The following MCMBP variants were observed in gnomAD, a reference collection of about 807,000 sequenced individuals.
MCMBP encodes mini-chromosome maintenance complex-binding protein.
Under a neutral mutation model 81.3 loss-of-function variants are expected in MCMBP, and 31 were observed. The ratio of observed to expected loss-of-function variants is 0.38; its 90% CI spans 0.29 to 0.51. The LOEUF (loss-of-function observed/expected upper bound fraction) is 0.51. Ranked by LOEUF, MCMBP falls within the 20% of genes least tolerant of loss-of-function variation. The probability of loss-of-function intolerance (pLI) is 0.87; values close to 1 mark genes in which losing one functional copy is unlikely to be tolerated. For synonymous variants in MCMBP, 267 were observed against 275.9 expected (o/e 0.97, Z 0.32); for missense variants, 645 against 772.1 (o/e 0.84, Z 1.95).
intron 8 of MCMBP, among the ~76,000 whole-genome samples, chr10:119,843,747 T>G (rs190539324): frequency 1.0e-3 from 154 of 152,280 alleles, no homozygotes; most frequent in Middle Eastern, 3.4e-3. Context: ...TTGCAACCTC[T>G]GCCTCCTGGG....
chr10:119,872,296 C>T (rs983922639), intron 1 of MCMBP, among the ~76,000 whole-genome samples: 6 of 151,992 alleles, frequency 3.9e-5, no homozygotes, highest in African/African-American at 1.4e-4. Context: ...TGGCGGCTCC[C>T]AAGCTGCGAC....
Position 119,857,097 on chromosome 10 carries a change from CAAA to C in MCMBP, c.429+238_429+240del, listed in dbSNP as rs34331152. On this transcript the variant is annotated intron_variant, in intron 5 of 15. Transcript: ENST00000369077. ...CCTGGGTGACAGTGAGTCCCTATCT[CAAA>C]AAAAAAAAAAAAAAAAAAAAATTAC... is the stretch of plus-strand genomic sequence containing the variant. 4.1e-3 allele frequency among the ~76,000 whole-genome samples: 338 copies of C among 82,446 alleles called. 11 individuals carry two copies. In the South Asian group the frequency reaches 0.088, roughly 21 times the overall value. The allele number at this position is 82,446 out of a possible 152,430, so 54.1% of individuals were successfully genotyped here. A position where few individuals can be genotyped will look rare whatever the true frequency, so the allele number is the denominator to read the frequency against.
chr10:119,863,014 T>C (rs1047698220), intron 1 of MCMBP, among the ~76,000 whole-genome samples: 1 of 152,244 alleles, frequency 6.6e-6, no homozygotes, highest in African/African-American at 2.4e-5. Flanking sequence ...AGTTTTTAAA[T>C]TACTGCTGTG....
At chr10:119,848,714 C>CTCATTTA (rs1278844165) in intron 7 of MCMBP, among the ~76,000 whole-genome samples, 1 of 152,142 alleles carries the variant, frequency 6.6e-6, no homozygotes, top group African/African-American at 2.4e-5. Flanking sequence ...CTATCACTTG[C>CTCATTTA]TCATTTATCA....
At chr10:119,867,279 C>T (rs1350333591) in intron 1 of MCMBP, among the ~76,000 whole-genome samples, 4 of 102,952 alleles carry the variant, frequency 3.9e-5, no homozygotes, top group East Asian at 3.2e-4. Flanking sequence ...GGCGACAGAG[C>T]GAGACTCCAT....
chr10:119,837,386 G>A (rs1025822428), intron 12 of MCMBP, among the ~76,000 whole-genome samples: 2 of 152,106 alleles, frequency 1.3e-5, no homozygotes, highest in Non-Finnish European at 2.9e-5. Context: ...GAATTTTACA[G>A]ATTTTATATT....
intron 12 of MCMBP, 37 bp downstream of exon 12, chr10:119,838,498 G>C: frequency 6.3e-7 from 1 of 1,584,558 alleles, no homozygotes. Flanking sequence ...TAGTGCGAAG[G>C]AAGTCAGAAA....
Position 119,872,548 on chromosome 10 carries a change from C to G in MCMBP, c.37G>C (p.Gly13Arg). Residue 13 changes from glycine (G) to arginine (R), a missense_variant, in exon 1 of 16, where the codon GGA (glycine) becomes CGA (arginine). Physicochemically the swap from Gly to Arg is moderately radical, Grantham distance 125. Transcript: ENST00000369077. Reference sequence around the variant, plus strand: ...TCACCGAAGAATCCCTGCACGATTCCCAGCGGGTGGCTGAGCCAATCCTCC... The same window carrying G: ...TCACCGAAGAATCCCTGCACGATTCGCAGCGGGTGGCTGAGCCAATCCTCC... ...CGEDWLSHPL[G>R]IVQGFFAQNG... is the part of the protein sequence containing the mutation. The G allele has an allele frequency of 8.4e-7, 1 of 1,190,910 alleles. No homozygotes were observed. The highest frequency in any genetic ancestry group is 3.9e-5 in the East Asian group (1 of 25,616). The allele number at this position is 1,190,910 out of a possible 1,614,324, so 73.8% of individuals were successfully genotyped here.
intron 12 of MCMBP, among the ~76,000 whole-genome samples, chr10:119,838,217 TATATA>T (rs1420753341): frequency 1.3e-5 from 2 of 148,312 alleles, no homozygotes; most frequent in Non-Finnish European, 3.0e-5. Flanking sequence ...ATTGCTCCAT[TATATA>T]ATATATAAAA....
At chr10:119,843,121 G>A in intron 9 of MCMBP, 133 bp downstream of exon 9, 1 of 983,090 alleles carries the variant, frequency 1.0e-6, no homozygotes, top group Non-Finnish European at 1.6e-6. Flanking sequence ...CAACGAGAGA[G>A]AGATTACTGA....
intron 5 of MCMBP, among the ~76,000 whole-genome samples, chr10:119,854,049 T>C (rs1400645890): frequency 1.3e-5 from 2 of 150,992 alleles, no homozygotes; most frequent in Non-Finnish European, 3.0e-5. Context: ...CCTTTTCTTT[T>C]TTTTTTTTTT....
chr10:119,871,616 C>T (rs749344172), intron 1 of MCMBP, among the ~76,000 whole-genome samples: 3 of 152,120 alleles, frequency 2.0e-5, no homozygotes, highest in Non-Finnish European at 4.4e-5. Context: ...ACTGCCTTTT[C>T]TCTCTAGTAC....
chr10:119,834,597 A>G lies in MCMBP; in HGVS notation c.1707+943T>C, dbSNP rs111761998. Among the ~76,000 whole-genome samples, 206 of 152,210 alleles carry G rather than the reference A, an allele frequency of 1.4e-3. 1 individual carries two copies. Among genetic ancestry groups the G allele is most frequent in the African/African-American group, 4.6e-3 (192 of 41,528 alleles). Reference sequence around the variant, plus strand: ...TTCGGGAGGCTAAGGAGAGAGGATCACTTGAACCCAGGAGTTCGAGACTAG... The same window carrying G: ...TTCGGGAGGCTAAGGAGAGAGGATCGCTTGAACCCAGGAGTTCGAGACTAG... On this transcript the variant is annotated intron_variant, in intron 14 of 15. Coordinates refer to ENST00000369077, the MANE Select transcript of MCMBP (RefSeq NM_001256378.2).
Position 119,831,542 on chromosome 10 carries a change from T to C in MCMBP, c.1855A>G (p.Lys619Glu), listed in dbSNP as rs1486590199. The C allele has an allele frequency of 6.2e-7, 1 of 1,613,970 alleles. No individual in the cohort carries two copies. Among genetic ancestry groups the C allele is most frequent in the Non-Finnish European group, 8.5e-7 (1 of 1,179,954 alleles). The stretch of plus-strand genomic sequence containing the variant: ...GTTCTTCTTAAAGACTCTAGCTGCT[T>C]TGCTCTCAGCCATCGTTCTCTTGAC... ...TLSRERWLRA[K>E]QLESLRRTRL... Residue 619 changes from lysine (K) to glutamate (E), a missense_variant, in exon 16 of 16, where the codon AAG becomes GAG. Coordinates refer to ENST00000369077, the MANE Select transcript of MCMBP (RefSeq NM_001256378.2).
chr10:119,837,803 T>G (rs1470019344), intron 12 of MCMBP, among the ~76,000 whole-genome samples: 1 of 152,022 alleles, frequency 6.6e-6, no homozygotes, highest in Non-Finnish European at 1.5e-5. Context: ...AAAAATTATA[T>G]TAGATCTTTT....
intron 8 of MCMBP, among the ~76,000 whole-genome samples, chr10:119,845,472 A>T (rs1258046171): frequency 3.3e-5 from 5 of 152,204 alleles, no homozygotes; most frequent in African/African-American, 1.2e-4. Flanking sequence ...TAGAAGAAAA[A>T]GGTAGAAATA....
In MCMBP at chr10:119,831,227, CT is replaced by C. The variant is rs368731031; in HGVS notation, c.*246del. The C allele has an allele frequency of 2.0e-5, 5 of 244,874 alleles. No homozygotes were observed. Among genetic ancestry groups the C allele is most frequent in the Non-Finnish European group, 2.3e-5 (3 of 129,868 alleles). The allele number at this position is 244,874 out of a possible 1,614,324, so 15.2% of individuals were successfully genotyped here. ...AATATTAAACTTTTAATATCAAATA[CT>C]TTTTTTACATCATTACTAATTTATA... is the stretch of plus-strand genomic sequence containing the variant. On this transcript the variant is annotated 3_prime_UTR_variant, in exon 16 of 16. Coordinates refer to ENST00000369077, the MANE Select transcript of MCMBP (RefSeq NM_001256378.2).
At chr10:119,833,042 G>A (rs1191272052) in intron 14 of MCMBP, among the ~76,000 whole-genome samples, 1 of 152,182 alleles carries the variant, frequency 6.6e-6, no homozygotes, top group Non-Finnish European at 1.5e-5. Flanking sequence ...CTTGTAAATT[G>A]CATGGCTAAG....
chr10:119,869,693 T>C (rs1419674931), intron 1 of MCMBP, among the ~76,000 whole-genome samples: 1 of 152,112 alleles, frequency 6.6e-6, no homozygotes, highest in Non-Finnish European at 1.5e-5. Flanking sequence ...ATCACACTGT[T>C]GCACTCCAGC....
Sources: gnomAD v4.1 joint callset for allele counts (sites outside exome capture counted in the v4.1 genomes callset) on GRCh38, gnomAD v4.1.1 for gene constraint, MANE v1.5 for transcripts, NCBI Gene and HGNC (gene_info 2026-07-23, HGNC 2026-07-21) for gene names.